ASAP1: variants seen among roughly 807,000 people sequenced by gnomAD.
ASAP1 encodes the protein arf-GAP with SH3 domain, ANK repeat and PH domain-containing protein 1.
A neutral mutation model predicts 145.2 loss-of-function variants in ASAP1; 43 were observed. The ratio of observed to expected loss-of-function variants is 0.30; its 90% confidence interval spans 0.23 to 0.38. The LOEUF is 0.38. Among genes scored for constraint, ASAP1 ranks in the 10% least tolerant of loss-of-function variants. The pLI is 1.00. For missense variants in ASAP1, 1,018 were observed against 1,355.3 expected, an observed-to-expected ratio of 0.75 and a Z score of 3.91; for synonymous variants, 546 against 515.5, an observed-to-expected ratio of 1.06 and a Z score of -0.80.
chr8:130,242,174 C>T (rs1200827837), intron 3 of ASAP1, among the ~76,000 whole-genome samples: 2 of 150,040 alleles, frequency 1.3e-5, no homozygotes, highest in African/African-American at 4.9e-5. Context: ...TTACTCTCAC[C>T]TCAGAAGGCA....
intron 27 of ASAP1, among the ~76,000 whole-genome samples, chr8:130,072,384 T>G (rs1008777007): frequency 1.3e-5 from 2 of 152,116 alleles, no homozygotes; most frequent in African/African-American, 4.8e-5. Flanking sequence ...TCTCATGAAA[T>G]CTGATGGTTT....
chr8:130,105,701 G>GCTGTTA (rs1391307660), intron 24 of ASAP1, among the ~76,000 whole-genome samples: 8 of 152,072 alleles, frequency 5.3e-5, no homozygotes, highest in Admixed American at 5.2e-4. Flanking sequence ...GAACGGAGGA[G>GCTGTTA]CTGTTATCTC....
At chr8:130,248,235 G>C (rs549886184) in intron 3 of ASAP1, among the ~76,000 whole-genome samples, 4 of 152,198 alleles carry the variant, frequency 2.6e-5, no homozygotes, top group South Asian at 4.1e-4. Flanking sequence ...GGGGTTGGAG[G>C]GGGGAGTGCG....
In ASAP1 at chr8:130,060,668, C is replaced by T. The variant is rs1320023827; in HGVS notation, c.3103G>A (p.Ala1035Thr). 2.4e-5 allele frequency: 39 copies of T among 1,614,028 alleles called. No homozygotes were observed. The highest frequency in any genetic ancestry group is 6.7e-5 in the East Asian group (3 of 44,890). Residue 1035 changes from alanine (A) to threonine (T), a missense_variant, in exon 28 of 30, where the codon GCC becomes ACC. Ala to Thr is a moderately conservative substitution (Grantham distance 58). Around this residue, in one of 9 missense-constraint regions of ASAP1, gnomAD observed 139 missense variants for 131.0 expected, o/e 1.06. Coordinates refer to ENST00000518721, the MANE Select transcript of ASAP1 (RefSeq NM_018482.4). ...DLSPNVQSRD[A>T]IQKQASEDSN... is the part of the protein sequence containing the mutation. ...TCTTCAGATGCTTGCTTTTGGATGG[C>T]GTCTCTGGACTGCACATTTGGGGAT...
At chr8:130,311,653 C>T (rs924037511) in intron 3 of ASAP1, among the ~76,000 whole-genome samples, 6 of 150,102 alleles carry the variant, frequency 4.0e-5, no homozygotes, top group Admixed American at 2.0e-4. Context: ...CCCAGCTACT[C>T]GGGAGGCTGA....
intron 1 of ASAP1, among the ~76,000 whole-genome samples, chr8:130,416,577 G>A (rs549097276): frequency 6.6e-6 from 1 of 152,298 alleles, no homozygotes; most frequent in South Asian, 2.1e-4. Context: ...TCTGGGGGCT[G>A]CTGTAAACTA....
intron 2 of ASAP1, among the ~76,000 whole-genome samples, chr8:130,389,758 TGGCACA>T (rs76040391): frequency 0.014 from 2,136 of 152,272 alleles, 20 homozygotes; most frequent in South Asian, 0.032. Context: ...TGGAGTGCAG[TGGCACA>T]GTCACGGCTC....
intron 25 of ASAP1, among the ~76,000 whole-genome samples, chr8:130,089,556 G>C (rs1314459573): frequency 6.6e-6 from 1 of 152,208 alleles, no homozygotes; most frequent in Non-Finnish European, 1.5e-5. Context: ...TTGCCTAGAA[G>C]GTTGATCCCC....
chr8:130,059,770 A>G (rs1307480168), intron 28 of ASAP1, among the ~76,000 whole-genome samples: 1 of 152,154 alleles, frequency 6.6e-6, no homozygotes, highest in African/African-American at 2.4e-5. Flanking sequence ...AGATGCAGCG[A>G]GAAAGTCTGA....
intron 3 of ASAP1, among the ~76,000 whole-genome samples, chr8:130,313,253 C>T (rs1006189536): frequency 3.0e-4 from 45 of 151,728 alleles, no homozygotes; most frequent in Non-Finnish European, 4.4e-5. Flanking sequence ...CTGGTGGGTC[C>T]CTAAAATAAA....
At chr8:130,185,556 G>A (rs993815917) in intron 7 of ASAP1, among the ~76,000 whole-genome samples, 4 of 151,702 alleles carry the variant, frequency 2.6e-5, no homozygotes, top group African/African-American at 4.8e-5. Flanking sequence ...GTGAAACTCC[G>A]TCTCTACTAA....
chr8:130,342,265 C>T (rs866666939), intron 3 of ASAP1, among the ~76,000 whole-genome samples: 94 of 152,256 alleles, frequency 6.2e-4, no homozygotes, highest in African/African-American at 2.2e-3. Flanking sequence ...ACTCCAGCTT[C>T]CCCTGACTGC....
intron 3 of ASAP1, among the ~76,000 whole-genome samples, chr8:130,313,889 A>G (rs757559147): frequency 5.9e-5 from 9 of 152,170 alleles, no homozygotes; most frequent in Non-Finnish European, 1.3e-4. Context: ...TGCACTCGAC[A>G]CCACGTCCCA....
intron 25 of ASAP1, among the ~76,000 whole-genome samples, chr8:130,080,479 T>C (rs978465109): frequency 4.3e-5 from 1 of 23,142 alleles, no homozygotes; most frequent in South Asian, 1.8e-3. Flanking sequence ...ATTCTCTCTC[T>C]TTTTTTTTTT....
chr8:130,425,606 C>T (rs945610460), intron 1 of ASAP1, among the ~76,000 whole-genome samples: 1 of 152,124 alleles, frequency 6.6e-6, no homozygotes, highest in Non-Finnish European at 1.5e-5. Context: ...ATCAGAGTGA[C>T]AGATGTTTTG....
chr8:130,365,291 C>T (rs1451640338), intron 2 of ASAP1, among the ~76,000 whole-genome samples: 2 of 152,178 alleles, frequency 1.3e-5, no homozygotes, highest in Non-Finnish European at 2.9e-5. Context: ...GAATCCAAAC[C>T]CTGTAGGCTT....
At chr8:130,080,398 C>T (rs996366295) in intron 25 of ASAP1, among the ~76,000 whole-genome samples, 1 of 152,062 alleles carries the variant, frequency 6.6e-6, no homozygotes, top group African/African-American at 2.4e-5. Flanking sequence ...CATGTGAACA[C>T]CATTAGCAGG....
intron 3 of ASAP1, among the ~76,000 whole-genome samples, chr8:130,351,958 G>A (rs1489800501): frequency 1.3e-5 from 2 of 152,166 alleles, no homozygotes; most frequent in African/African-American, 4.8e-5. Context: ...TTCTCCCTTT[G>A]ATTCTACAGA....
At chr8:130,348,783 T>C (rs1825836295) in intron 3 of ASAP1, among the ~76,000 whole-genome samples, 1 of 152,210 alleles carries the variant, frequency 6.6e-6, no homozygotes, top group African/African-American at 2.4e-5. Flanking sequence ...GTAAAGCACC[T>C]AACCTAGCTG....
Sources: allele counts gnomAD v4.1 joint callset (sites outside exome capture counted in the v4.1 genomes callset), GRCh38; gene constraint gnomAD v4.1.1; regional missense constraint gnomAD v4.1.1; transcripts MANE v1.5; gene names NCBI Gene and HGNC (gene_info 2026-07-23, HGNC 2026-07-21).